SEZ6L: variants seen among roughly 807,000 people sequenced by gnomAD.
SEZ6L encodes the protein seizure 6-like protein.
Under a neutral mutation model 106.2 loss-of-function variants are expected in SEZ6L, and 37 were observed. The ratio of observed to expected loss-of-function variants is 0.35; its 90% CI spans 0.27 to 0.46. The LOEUF (loss-of-function observed/expected upper bound fraction) is 0.46, where lower values mean the gene tolerates loss of function less well. SEZ6L is among the 20% of genes least tolerant of loss of function. SEZ6L has a pLI of 1.00. For synonymous variants in SEZ6L, 541 were observed against 570.4 expected (o/e 0.95, Z 0.73); for missense variants, 1,172 against 1,332.8 (o/e 0.88, Z 1.88).
intron 1 of SEZ6L, among the ~76,000 whole-genome samples, chr22:26,276,718 G>A (rs1456329449): frequency 6.6e-6 from 1 of 152,106 alleles, no homozygotes; most frequent in Non-Finnish European, 1.5e-5. Context: ...CCCCCTTGCT[G>A]GCTACCTGCA....
chr22:26,302,237 C>T lies in SEZ6L; in HGVS notation c.1348+3068C>T, dbSNP rs192313409. On this transcript the variant is annotated intron_variant, in intron 5 of 16. Coordinates refer to ENST00000248933, the MANE Select transcript of SEZ6L (RefSeq NM_021115.5). ...CGGACTAGCAAAATTATTAGAAATG[C>T]ATAATCCTGAGCCCCATGCAAAACC... Among the ~76,000 whole-genome samples, 199 of 152,262 alleles carry T rather than the reference C, an allele frequency of 1.3e-3. 2 individuals carry two copies. Among genetic ancestry groups the T allele is most frequent in the Middle Eastern group, 0.01 (3 of 294 alleles).
At position 26,299,021 on chromosome 22, in the gene SEZ6L, C is replaced by T. The variant is rs1456497740; in HGVS notation, c.1200C>T (p.Asp400=). The T allele has an allele frequency of 1.9e-6, 3 of 1,596,414 alleles. No individual in the cohort carries two copies. The highest frequency in any genetic ancestry group is 2.3e-5 in the South Asian group (2 of 88,272). The change falls in exon 5 of 17, where the codon GAC becomes GAT. Residue 400 remains aspartate, a synonymous_variant. Transcript: ENST00000248933. ...GCTGCAACTTTCCCCGCCGGCCTGACTCTGGGGATGTCACGGTGATGGACC... is the reference window on the plus strand; with the variant it reads ...GCTGCAACTTTCCCCGCCGGCCTGATTCTGGGGATGTCACGGTGATGGACC... The part of the protein sequence containing the change: ...MLSCNFPRRP[D]SGDVTVMDLH...
At chr22:26,282,170 G>C (rs900394207) in intron 1 of SEZ6L, among the ~76,000 whole-genome samples, 2 of 152,208 alleles carry the variant, frequency 1.3e-5, no homozygotes, top group African/African-American at 4.8e-5. Context: ...AGCTCTTGCC[G>C]TGTTACACTC....
At chr22:26,266,624 C>A (rs1370692232) in intron 1 of SEZ6L, among the ~76,000 whole-genome samples, 1 of 150,970 alleles carries the variant, frequency 6.6e-6, no homozygotes, top group Non-Finnish European at 1.5e-5. Context: ...TAAATAGCAA[C>A]ATATTAGGAG....
At chr22:26,210,392 G>A (rs2078123439) in intron 1 of SEZ6L, among the ~76,000 whole-genome samples, 1 of 152,174 alleles carries the variant, frequency 6.6e-6, no homozygotes. Context: ...TCCTGAGTGG[G>A]TTCTAATAAA....
chr22:26,314,477 TG>T (rs2081942214), intron 9 of SEZ6L, among the ~76,000 whole-genome samples: 1 of 152,232 alleles, frequency 6.6e-6, no homozygotes, highest in Non-Finnish European at 1.5e-5. Flanking sequence ...TTTTCCTGTT[TG>T]TCTCCCTCAA....
intron 10 of SEZ6L, among the ~76,000 whole-genome samples, chr22:26,346,408 C>T (rs1275942084): frequency 1.3e-5 from 2 of 152,322 alleles, no homozygotes; most frequent in Non-Finnish European, 2.9e-5. Flanking sequence ...TACTTATTCA[C>T]CAAACTCATG....
chr22:26,220,834 T>A (rs530048325), intron 1 of SEZ6L, among the ~76,000 whole-genome samples: 1 of 152,008 alleles, frequency 6.6e-6, no homozygotes, highest in East Asian at 1.9e-4. Flanking sequence ...AATGGATGAA[T>A]TGAGAGAAGG....
intron 3 of SEZ6L, 66 bp from the exon 4 acceptor site, chr22:26,296,822 A>G: frequency 7.2e-7 from 1 of 1,382,370 alleles, no homozygotes; most frequent in Non-Finnish European, 9.6e-7. Flanking sequence ...CTTCTTTGCA[A>G]CCTTAGAAGG....
At chr22:26,201,031 C>A (rs1940909415) in intron 1 of SEZ6L, among the ~76,000 whole-genome samples, 1 of 152,250 alleles carries the variant, frequency 6.6e-6, no homozygotes, top group Non-Finnish European at 1.5e-5. Context: ...CCCCAACAGG[C>A]CTTCTTGAAG....
chr22:26,237,888 T>A (rs1467476053), intron 1 of SEZ6L, among the ~76,000 whole-genome samples: 1 of 152,222 alleles, frequency 6.6e-6, no homozygotes, highest in African/African-American at 2.4e-5. Context: ...TAGTTACAGC[T>A]GACTGCCTTG....
intron 1 of SEZ6L, among the ~76,000 whole-genome samples, chr22:26,260,018 T>A (rs998255658): frequency 1.3e-5 from 2 of 152,242 alleles, no homozygotes; most frequent in African/African-American, 4.8e-5. Flanking sequence ...ATATCCTGAT[T>A]TGGCATGCTT....
intron 1 of SEZ6L, among the ~76,000 whole-genome samples, chr22:26,254,916 T>A (rs1569423409): frequency 6.6e-6 from 1 of 152,084 alleles, no homozygotes; most frequent in Non-Finnish European, 1.5e-5. Context: ...CAGGCATGAA[T>A]TTGAGGGCTG....
At chr22:26,253,075 T>C (rs2079659666) in intron 1 of SEZ6L, among the ~76,000 whole-genome samples, 1 of 152,246 alleles carries the variant, frequency 6.6e-6, no homozygotes, top group African/African-American at 2.4e-5. Context: ...AATTATTTCA[T>C]TTAATCCTCA....
chr22:26,233,671 G>A (rs917309671), intron 1 of SEZ6L, among the ~76,000 whole-genome samples: 6 of 152,188 alleles, frequency 3.9e-5, no homozygotes, highest in African/African-American at 1.4e-4. Context: ...TATTGAGCAC[G>A]TACTACATGC....
intron 1 of SEZ6L, among the ~76,000 whole-genome samples, chr22:26,214,467 G>C (rs1048221654): frequency 4.6e-5 from 7 of 152,202 alleles, no homozygotes; most frequent in African/African-American, 1.4e-4. Context: ...TGGATTAAAG[G>C]TTATGGATTC....
At chr22:26,322,736 T>C (rs1464220215) in intron 9 of SEZ6L, among the ~76,000 whole-genome samples, 1 of 152,022 alleles carries the variant, frequency 6.6e-6, no homozygotes, top group African/African-American at 2.4e-5. Flanking sequence ...AAGAAGGAGG[T>C]TGCACCAACT....
intron 10 of SEZ6L, among the ~76,000 whole-genome samples, chr22:26,342,221 T>C: frequency 6.6e-6 from 1 of 152,138 alleles, no homozygotes; most frequent in East Asian, 1.9e-4. Flanking sequence ...GGCCAGTGAT[T>C]AGGAAACGTG....
chr22:26,288,568 A>G (rs2081009024), intron 1 of SEZ6L, among the ~76,000 whole-genome samples: 1 of 152,224 alleles, frequency 6.6e-6, no homozygotes, highest in South Asian at 2.1e-4. Flanking sequence ...CCAAGATTTG[A>G]AACCCAGCTT....
Sources: allele counts gnomAD v4.1 joint callset (sites outside exome capture counted in the v4.1 genomes callset), GRCh38; gene constraint gnomAD v4.1.1; transcripts MANE v1.5; gene names NCBI Gene and HGNC (gene_info 2026-07-23, HGNC 2026-07-21).